The following GRM5 variants were observed in gnomAD, a reference collection of about 807,000 sequenced individuals.
The protein encoded by GRM5 is glutamate metabotropic receptor 5.
In GRM5, 19 loss-of-function variants were observed where a neutral mutation model predicts 83.1. The ratio of observed to expected loss-of-function variants is 0.23; its 90% confidence interval spans 0.16 to 0.34. The LOEUF (loss-of-function observed/expected upper bound fraction) is 0.34. GRM5 is among the 10% of genes least tolerant of loss of function. The probability of loss-of-function intolerance (pLI) is 1.00; values close to 1 mark genes in which losing one functional copy is unlikely to be tolerated. For synonymous variants in GRM5, 675 were observed against 633.6 expected (o/e 1.07, Z -0.98); for missense variants, 1,160 against 1,588.3 (o/e 0.73, Z 4.58).
intron 1 of GRM5, among the ~76,000 whole-genome samples, chr11:89,053,891 T>G (rs1387598742): frequency 2.0e-5 from 3 of 152,114 alleles, no homozygotes; most frequent in Non-Finnish European, 4.4e-5. Context: ...AAGACAGACT[T>G]AATATTTAGT....
chr11:88,656,437 G>A (rs1275356403), intron 3 of GRM5, among the ~76,000 whole-genome samples: 1 of 152,082 alleles, frequency 6.6e-6, no homozygotes, highest in Non-Finnish European at 1.5e-5. Context: ...CAATATTGGT[G>A]GCATTTTTGC....
intron 2 of GRM5, among the ~76,000 whole-genome samples, chr11:88,999,424 G>A (rs1179017666): frequency 6.6e-5 from 10 of 152,154 alleles, no homozygotes; most frequent in African/African-American, 2.2e-4. Flanking sequence ...AAAAGTGGGT[G>A]AAGGATATGA....
chr11:88,913,270 C>T (rs1298463691), intron 2 of GRM5, among the ~76,000 whole-genome samples: 1 of 152,122 alleles, frequency 6.6e-6, no homozygotes, highest in Admixed American at 6.6e-5. Context: ...GGTGATATCT[C>T]CTGTGCCTCT....
chr11:89,005,321 T>C (rs577042301), intron 2 of GRM5, among the ~76,000 whole-genome samples: 2 of 152,126 alleles, frequency 1.3e-5, no homozygotes, highest in African/African-American at 4.8e-5. Flanking sequence ...ACATTTCATA[T>C]CGGGAAGGAA....
chr11:88,999,104 C>T (rs528624685), intron 2 of GRM5, among the ~76,000 whole-genome samples: 1 of 152,274 alleles, frequency 6.6e-6, no homozygotes, highest in East Asian at 1.9e-4. Flanking sequence ...GGATTAAAGA[C>T]TTACATGTTA....
chr11:88,572,380 A>G (rs1330426599), intron 7 of GRM5, among the ~76,000 whole-genome samples: 1 of 152,194 alleles, frequency 6.6e-6, no homozygotes, highest in African/African-American at 2.4e-5. Flanking sequence ...AAGCCAAAGG[A>G]AAGTATTAAT....
At chr11:89,054,828 A>G (rs1224665699) in intron 1 of GRM5, among the ~76,000 whole-genome samples, 1 of 152,256 alleles carries the variant, frequency 6.6e-6, no homozygotes, top group East Asian at 1.9e-4. Context: ...GTATGCATAC[A>G]TAAAGACTGG....
rs536341914 is a variant in GRM5, at chr11:88,889,665, T to C, written c.662-39510A>G. Among the ~76,000 whole-genome samples the C allele has an allele frequency of 5.3e-5, 8 of 152,304 alleles. No individual in the cohort carries two copies. In the South Asian group the frequency reaches 1.4e-3, roughly 28 times the overall value. Reference sequence around the variant, plus strand: ...AATAAATATATTTAAAAGGCCTTTATATTTTTCTCTTCTTGGATCTTGTTT... The same window carrying C: ...AATAAATATATTTAAAAGGCCTTTACATTTTTCTCTTCTTGGATCTTGTTT... On this transcript the variant is annotated intron_variant, in intron 2 of 9. Coordinates refer to ENST00000305447, the MANE Select transcript of GRM5 (RefSeq NM_001143831.3).
At chr11:88,945,245 A>T (rs773230893) in intron 2 of GRM5, among the ~76,000 whole-genome samples, 25 of 152,050 alleles carry the variant, frequency 1.6e-4, no homozygotes, top group Non-Finnish European at 2.6e-4. Flanking sequence ...ATCATAGATG[A>T]CACAAAACAA....
intron 2 of GRM5, among the ~76,000 whole-genome samples, chr11:88,864,737 T>C (rs1944630774): frequency 6.6e-6 from 1 of 152,056 alleles, no homozygotes; most frequent in Non-Finnish European, 1.5e-5. Flanking sequence ...CATCCTTGTC[T>C]TGTGCAGGAT....
chr11:88,980,546 G>T (rs1939487200), intron 2 of GRM5, among the ~76,000 whole-genome samples: 1 of 152,094 alleles, frequency 6.6e-6, no homozygotes, highest in Non-Finnish European at 1.5e-5. Context: ...AACCTGGCCG[G>T]GTGCGGTGGC....
At chr11:88,855,804 T>C (rs1944465281) in intron 2 of GRM5, among the ~76,000 whole-genome samples, 1 of 152,000 alleles carries the variant, frequency 6.6e-6, no homozygotes. Context: ...TTACATATCC[T>C]TCTTTTCAAA....
At chr11:88,642,689 T>A (rs1939328269) in intron 4 of GRM5, among the ~76,000 whole-genome samples, 1 of 152,140 alleles carries the variant, frequency 6.6e-6, no homozygotes. Context: ...ATACTGTAAA[T>A]CATCACTCTT....
intron 2 of GRM5, among the ~76,000 whole-genome samples, chr11:89,028,681 T>TAAAC (rs1162777767): frequency 6.6e-6 from 1 of 152,224 alleles, no homozygotes; most frequent in African/African-American, 2.4e-5. Flanking sequence ...TAACCCTTAA[T>TAAAC]AAACACACAA....
At chr11:88,589,637 A>C (rs761229173) in intron 7 of GRM5, among the ~76,000 whole-genome samples, 4 of 152,184 alleles carry the variant, frequency 2.6e-5, no homozygotes, top group Non-Finnish European at 5.9e-5. Flanking sequence ...AATCCATCTG[A>C]ATTCTAAAAC....
intron 3 of GRM5, among the ~76,000 whole-genome samples, chr11:88,727,962 A>G (rs1941719858): frequency 6.6e-6 from 1 of 152,198 alleles, no homozygotes; most frequent in African/African-American, 2.4e-5. Flanking sequence ...TCACAATTAA[A>G]AGAACTAGAA....
At chr11:89,017,330 T>C (rs1940882997) in intron 2 of GRM5, among the ~76,000 whole-genome samples, 1 of 152,200 alleles carries the variant, frequency 6.6e-6, no homozygotes, top group Admixed American at 6.5e-5. Context: ...AAATAAACTT[T>C]ATTGAGAATG....
intron 2 of GRM5, among the ~76,000 whole-genome samples, chr11:89,026,266 C>T (rs556800878): frequency 6.6e-6 from 1 of 152,286 alleles, no homozygotes; most frequent in Non-Finnish European, 1.5e-5. Flanking sequence ...CCACAACACA[C>T]AATTTACCCA....
chr11:88,994,445 TTATATATATATATATATA>T (rs58154444), intron 2 of GRM5, among the ~76,000 whole-genome samples: 168 of 86,888 alleles, frequency 1.9e-3, no homozygotes, highest in African/African-American at 3.9e-3. Context: ...CTTTAACTGA[TTATATATATATATATATA>T]TATATATATA....
Sources: allele counts gnomAD v4.1 joint callset (sites outside exome capture counted in the v4.1 genomes callset), GRCh38; gene constraint gnomAD v4.1.1; transcripts MANE v1.5; gene names NCBI Gene and HGNC (gene_info 2026-07-23, HGNC 2026-07-21).